The following WDR75 variants were observed in gnomAD, a reference collection of about 807,000 sequenced individuals.
The protein encoded by WDR75 is WD repeat domain 75, also known as WD repeat-containing protein 75.
A neutral mutation model predicts 106.1 loss-of-function variants in WDR75; 52 were observed. That is an observed-to-expected ratio of 0.49 (90% CI 0.39 to 0.62). The LOEUF is 0.62. Ranked by LOEUF, WDR75 falls within the 20% of genes least tolerant of loss-of-function variation. The pLI is 0.00. For missense variants in WDR75, 905 were observed against 970.3 expected (o/e 0.93, Z 0.89); for synonymous variants, 333 against 335.5 (o/e 0.99, Z 0.08).
Position 189,467,622 on chromosome 2 carries a change from AT to A in WDR75, c.1606del (p.Cys536AlafsTer7). ...CTGTAACATGGGAACTTAAATGTAC[AT>A]TTTGCCAACGAGCTGGGAAAATAAG... ...DSVTWELKCTFCQRAGKIRHL... is the reference protein window; with the variant it reads ...DSVTWELKCTXCQRAGKIRHL... On this transcript the variant is annotated frameshift_variant, in exon 14 of 21. Coordinates refer to ENST00000314761, the MANE Select transcript of WDR75 (RefSeq NM_032168.3). LOFTEE classifies it high-confidence loss of function. The A allele has an allele frequency of 6.2e-7, 1 of 1,600,990 alleles. No homozygotes were observed. The highest frequency in any genetic ancestry group is 1.3e-5 in the African/African-American group (1 of 74,472).
chr2:189,458,945 C>A, intron 7 of WDR75, 73 bp downstream of exon 7: 2 of 1,450,964 alleles, frequency 1.4e-6, no homozygotes, highest in Admixed American at 2.6e-5. Context: ...ACAGGGCTAT[C>A]TCTGGGTCCC....
intron 2 of WDR75, chr2:189,449,176 TA>T: frequency 8.5e-7 from 1 of 1,173,862 alleles, no homozygotes; most frequent in Non-Finnish European, 1.1e-6. Context: ...GCAAATCTAC[TA>T]AAATTTTATC....
rs904580770 is a variant in WDR75, at chr2:189,469,422, C to T, written c.1802C>T (p.Ser601Phe). 2 of 1,612,632 alleles carry T rather than the reference C, an allele frequency of 1.2e-6. No individual in the cohort carries two copies. The highest frequency in any genetic ancestry group is 1.3e-5 in the African/African-American group (1 of 74,856). ...GAGAATATTGCTGCAATCTCTCAGT[C>T]TTCAGTGGGTTCAGACTGTAAGTAC... ...NSENIAAISQ[S>F]SVGSDLFVFK... The change falls in exon 16 of 21, where the codon TCT (serine) becomes TTT (phenylalanine). Residue 601 changes from serine to phenylalanine, a missense_variant. Physicochemically the swap from Ser to Phe is radical, Grantham distance 155. Transcript: ENST00000314761.
intron 5 of WDR75, 31 bp downstream of exon 5, chr2:189,455,475 G>A: frequency 6.3e-7 from 1 of 1,587,894 alleles, no homozygotes; most frequent in Non-Finnish European, 8.6e-7. Context: ...TTTCTGTTTT[G>A]TACCTAAAAT....
At chr2:189,446,467 C>A (rs1266983563) in intron 1 of WDR75, among the ~76,000 whole-genome samples, 1 of 152,210 alleles carries the variant, frequency 6.6e-6, no homozygotes, top group Non-Finnish European at 1.5e-5. Flanking sequence ...CTTTGTTGCT[C>A]ATACATTCTT....
At chr2:189,448,736 G>C (rs558326453) in intron 2 of WDR75, 2 of 635,900 alleles carry the variant, frequency 3.1e-6, no homozygotes, top group East Asian at 3.6e-5. Flanking sequence ...ATTCTTGGCT[G>C]TATGAGTTTC....
At chr2:189,444,188 A>G (rs1686446086) in intron 1 of WDR75, among the ~76,000 whole-genome samples, 1 of 152,208 alleles carries the variant, frequency 6.6e-6, no homozygotes, top group Non-Finnish European at 1.5e-5. Context: ...AGATTTGAAT[A>G]TTATCTACAA....
At chr2:189,445,236 AATAC>A (rs1686471321) in intron 1 of WDR75, among the ~76,000 whole-genome samples, 1 of 152,248 alleles carries the variant, frequency 6.6e-6, no homozygotes, top group African/African-American at 2.4e-5. Context: ...TCATTCAGCT[AATAC>A]ATAATAAAGC....
intron 2 of WDR75, chr2:189,449,510 G>C (rs1175237149): frequency 9.0e-7 from 1 of 1,111,032 alleles, no homozygotes; most frequent in East Asian, 6.2e-5. Context: ...ATTGAAATTT[G>C]TGAAGTCCAT....
rs1301910199 is a variant in WDR75, at chr2:189,462,613, A to G, written c.908A>G (p.Asp303Gly). 8.1e-6 allele frequency: 13 copies of G among 1,613,750 alleles called. No individual in the cohort carries two copies. The change falls in exon 9 of 21, where the codon GAT becomes GGT. Residue 303 changes from aspartate (D) to glycine (G), a missense_variant. Physicochemically the swap from Asp to Gly is moderately conservative, Grantham distance 94. Coordinates refer to ENST00000314761, the MANE Select transcript of WDR75 (RefSeq NM_032168.3). ...CATATCTCAGTCTCGCCTGCAGGAGATTTATTCTGCACTTCTCACTCTGAT... is the reference window on the plus strand; with the variant it reads ...CATATCTCAGTCTCGCCTGCAGGAGGTTTATTCTGCACTTCTCACTCTGAT... ...IEHISVSPAG[D>G]LFCTSHSDNK...
At chr2:189,448,891 G>A in intron 2 of WDR75, 1 of 471,670 alleles carries the variant, frequency 2.1e-6, no homozygotes, top group South Asian at 1.6e-5. Flanking sequence ...TTTGGTGTCT[G>A]GAACACATTT....
intron 2 of WDR75, 187 bp from the exon 3 acceptor site, chr2:189,450,716 C>A: frequency 7.2e-7 from 1 of 1,396,000 alleles, no homozygotes; most frequent in Non-Finnish European, 9.2e-7. Context: ...ATGGATGGAT[C>A]TGCTTCTTGC....
In WDR75 at chr2:189,469,454, C is replaced by A; in HGVS notation, c.1819+15C>A. ...GGGTTCAGACTGTAAGTACAAACCA[C>A]ACTTTGTAGTAAGAGAACATCTATG... On this transcript the variant is annotated intron_variant, in intron 16 of 20. Coordinates refer to ENST00000314761, the MANE Select transcript of WDR75 (RefSeq NM_032168.3). 3.2e-6 allele frequency: 5 copies of A among 1,574,150 alleles called. No individual in the cohort carries two copies. The highest frequency in any genetic ancestry group is 3.5e-6 in the Non-Finnish European group (4 of 1,144,310).
chr2:189,465,665 T>C (rs1470638975), intron 12 of WDR75, among the ~76,000 whole-genome samples: 1 of 152,160 alleles, frequency 6.6e-6, no homozygotes, highest in Non-Finnish European at 1.5e-5. Context: ...GTACTGTGGC[T>C]ATAATAACCA....
intron 2 of WDR75, 98 bp from the exon 3 acceptor site, chr2:189,450,805 T>A: frequency 3.9e-6 from 6 of 1,550,138 alleles, no homozygotes; most frequent in Non-Finnish European, 5.2e-6. Context: ...AGTGAATTAA[T>A]GAATAGAAAA....
intron 7 of WDR75, 26 bp downstream of exon 7, chr2:189,458,898 C>G (rs1413330121): frequency 2.5e-6 from 4 of 1,588,090 alleles, no homozygotes; most frequent in Non-Finnish European, 3.4e-6. Flanking sequence ...AAGAGCATGG[C>G]GATCATTTAT....
At chr2:189,468,634 C>G (rs1279747812) in intron 15 of WDR75, 65 bp downstream of exon 15, 2 of 1,511,174 alleles carry the variant, frequency 1.3e-6, no homozygotes, top group Non-Finnish European at 1.8e-6. Flanking sequence ...TAAACTTTGG[C>G]ATTTTAGGAC....
At chr2:189,474,028 G>T (rs1453814463) in intron 18 of WDR75, among the ~76,000 whole-genome samples, 158 bp from the exon 19 acceptor site, 1 of 152,200 alleles carries the variant, frequency 6.6e-6, no homozygotes, top group Non-Finnish European at 1.5e-5. Flanking sequence ...CTAGGCCTCA[G>T]TTGCTTTCTC....
intron 6 of WDR75, among the ~76,000 whole-genome samples, chr2:189,458,170 G>C (rs558010372): frequency 1.3e-5 from 2 of 152,036 alleles, no homozygotes; most frequent in East Asian, 3.9e-4. Context: ...TGATCCACCC[G>C]CCTCAGCCTC....
Sources: allele counts gnomAD v4.1 joint callset (sites outside exome capture counted in the v4.1 genomes callset), GRCh38; gene constraint gnomAD v4.1.1; transcripts MANE v1.5; gene names NCBI Gene and HGNC (gene_info 2026-07-23, HGNC 2026-07-21).